EPHB1: variants seen among roughly 807,000 people sequenced by gnomAD.
EPHB1 encodes EPH receptor B1.
A neutral mutation model predicts 94.4 loss-of-function variants in EPHB1; 30 were observed. That is an observed-to-expected ratio of 0.32 (90% confidence interval 0.24 to 0.43). EPHB1 has a LOEUF of 0.43. Ranked by LOEUF, EPHB1 falls within the 20% of genes least tolerant of loss-of-function variation. EPHB1 has a pLI of 1.00. For synonymous variants in EPHB1, 522 were observed against 489.1 expected, an observed-to-expected ratio of 1.07 and a Z score of -0.89; for missense variants, 1,055 against 1,308.3, an observed-to-expected ratio of 0.81 and a Z score of 2.99.
chr3:135,121,306 C>T (rs566237717), intron 4 of EPHB1, among the ~76,000 whole-genome samples: 2 of 152,332 alleles, frequency 1.3e-5, no homozygotes, highest in African/African-American at 4.8e-5. Flanking sequence ...AATCTCCACA[C>T]TTGCATCTGC....
chr3:135,248,876 G>T (rs1273286140), intron 14 of EPHB1, among the ~76,000 whole-genome samples: 3 of 151,988 alleles, frequency 2.0e-5, no homozygotes, highest in Non-Finnish European at 2.9e-5. Context: ...TTGAAAATGT[G>T]CCAGAGAAGG....
chr3:134,834,440 GA>G (rs139144005), intron 1 of EPHB1, among the ~76,000 whole-genome samples: 2,474 of 152,228 alleles, frequency 0.016, 31 homozygotes, highest in Non-Finnish European at 0.025. Flanking sequence ...TAGTCTTTTG[GA>G]ATATGACTGC....
intron 1 of EPHB1, among the ~76,000 whole-genome samples, chr3:134,834,457 G>C (rs2036635996): frequency 6.6e-6 from 1 of 152,160 alleles, no homozygotes; most frequent in Admixed American, 6.5e-5. Context: ...ACTGCTGGCT[G>C]TTTGGTCTTG....
At chr3:135,013,350 A>G (rs1576316633) in intron 3 of EPHB1, among the ~76,000 whole-genome samples, 1 of 152,196 alleles carries the variant, frequency 6.6e-6, no homozygotes, top group Non-Finnish European at 1.5e-5. Context: ...ATCTCTCATC[A>G]GGACAGCTGT....
intron 1 of EPHB1, among the ~76,000 whole-genome samples, chr3:134,858,543 A>G (rs2037174895): frequency 6.6e-6 from 1 of 152,176 alleles, no homozygotes; most frequent in Non-Finnish European, 1.5e-5. Flanking sequence ...ATCTGTTTCC[A>G]TCAGCAGCCC....
At position 135,241,235 on chromosome 3, in the gene EPHB1, A is replaced by C. The variant is rs1370419986; in HGVS notation, c.2434A>C (p.Ile812Leu). The C allele has an allele frequency of 6.2e-7, 1 of 1,614,172 alleles. No individual in the cohort carries two copies. ...AGCCAGCGACGTTTGGAGCTATGGG[A>C]TCGTCATGTGGGAAGTCATGTCATT... The part of the protein sequence containing the change: ...TSASDVWSYG[I>L]VMWEVMSFGE... The change falls in exon 13 of 16, where the codon ATC becomes CTC. Residue 812 changes from isoleucine to leucine, a missense_variant. Coordinates refer to ENST00000398015, the MANE Select transcript of EPHB1 (RefSeq NM_004441.5).
chr3:135,248,359 T>C lies in EPHB1; in HGVS notation c.2540T>C (p.Met847Thr). ...IEQDYRLPPP[M>T]DCPAALHQLM... is the part of the protein sequence containing the mutation. ...CAGGACTACCGGCTGCCCCCACCCA[T>C]GGACTGTCCAGCTGCTCTACACCAG... The change falls in exon 14 of 16, where the codon ATG becomes ACG. Residue 847 changes from methionine (M) to threonine (T), a missense_variant. By Grantham distance (81) the Met-to-Thr change is moderately conservative. Coordinates refer to ENST00000398015, the MANE Select transcript of EPHB1 (RefSeq NM_004441.5). The C allele has an allele frequency of 6.2e-7, 1 of 1,610,120 alleles. No individual in the cohort carries two copies. Among genetic ancestry groups the C allele is most frequent in the East Asian group, 2.2e-5 (1 of 44,726 alleles).
At chr3:134,879,986 C>G (rs2037695462) in intron 1 of EPHB1, among the ~76,000 whole-genome samples, 4 of 152,120 alleles carry the variant, frequency 2.6e-5, no homozygotes, top group South Asian at 4.1e-4. Context: ...CTTTGAGAAC[C>G]CTGGGCTCCA....
chr3:135,107,769 G>A (rs181177244), intron 4 of EPHB1, among the ~76,000 whole-genome samples: 6 of 152,268 alleles, frequency 3.9e-5, no homozygotes, highest in African/African-American at 7.2e-5. Context: ...TCTAGATCAA[G>A]TTCCTGAGTT....
intron 15 of EPHB1, among the ~76,000 whole-genome samples, chr3:135,251,574 G>C (rs1933099738): frequency 6.6e-6 from 1 of 152,216 alleles, no homozygotes; most frequent in Non-Finnish European, 1.5e-5. Context: ...TGTTTCTTGA[G>C]AGGTAAAAGA....
intron 1 of EPHB1, among the ~76,000 whole-genome samples, chr3:134,870,268 A>C (rs953787426): frequency 3.9e-5 from 6 of 152,168 alleles, no homozygotes; most frequent in Admixed American, 3.3e-4. Flanking sequence ...CGGCCATCTA[A>C]TCTGAGCAAG....
chr3:134,909,836 G>A (rs867648844), intron 1 of EPHB1, among the ~76,000 whole-genome samples: 2 of 152,296 alleles, frequency 1.3e-5, no homozygotes, highest in South Asian at 2.1e-4. Flanking sequence ...AGAGGAAGAG[G>A]TGACTTCCAG....
intron 3 of EPHB1, among the ~76,000 whole-genome samples, chr3:135,031,749 C>G (rs1476601685): frequency 6.6e-6 from 1 of 152,182 alleles, no homozygotes; most frequent in Admixed American, 6.5e-5. Flanking sequence ...CAGATGATCT[C>G]CCAACTCCTT....
chr3:135,138,105 T>C (rs1413949085), intron 5 of EPHB1, among the ~76,000 whole-genome samples: 1 of 152,258 alleles, frequency 6.6e-6, no homozygotes, highest in Non-Finnish European at 1.5e-5. Flanking sequence ...CATGATCTTA[T>C]CAGCACAATT....
intron 3 of EPHB1, among the ~76,000 whole-genome samples, chr3:134,978,630 C>A (rs553671980): frequency 6.6e-6 from 1 of 152,330 alleles, no homozygotes; most frequent in South Asian, 2.1e-4. Flanking sequence ...ACAGTTCAGC[C>A]TTACTAAGCC....
intron 9 of EPHB1, among the ~76,000 whole-genome samples, chr3:135,174,364 C>T (rs924174816): frequency 3.3e-5 from 5 of 152,146 alleles, no homozygotes; most frequent in African/African-American, 7.2e-5. Flanking sequence ...CTGTGGCTCA[C>T]GACACTCCAG....
chr3:135,052,106 G>C (rs1197622578), intron 3 of EPHB1, among the ~76,000 whole-genome samples: 1 of 152,174 alleles, frequency 6.6e-6, no homozygotes, highest in Non-Finnish European at 1.5e-5. Context: ...CTCTATTTGA[G>C]CATTTAGAGA....
intron 1 of EPHB1, among the ~76,000 whole-genome samples, chr3:134,846,968 G>A (rs2036885898): frequency 6.6e-6 from 1 of 152,170 alleles, no homozygotes; most frequent in Non-Finnish European, 1.5e-5. Flanking sequence ...TTCCTTCGGT[G>A]GCGGGAGATT....
intron 3 of EPHB1, among the ~76,000 whole-genome samples, chr3:135,058,390 C>G (rs1452951025): frequency 6.6e-6 from 1 of 152,148 alleles, no homozygotes; most frequent in Non-Finnish European, 1.5e-5. Context: ...ACGAATGGGC[C>G]CCTGTACATC....
Sources: allele counts gnomAD v4.1 joint callset (sites outside exome capture counted in the v4.1 genomes callset), GRCh38; gene constraint gnomAD v4.1.1; transcripts MANE v1.5; gene names NCBI Gene and HGNC (gene_info 2026-07-23, HGNC 2026-07-21).